The following PCCB variants were observed in gnomAD, a reference collection of about 807,000 sequenced individuals.
The protein encoded by PCCB is propionyl-CoA carboxylase beta chain, mitochondrial.
PCCB carries 43 observed loss-of-function variants against 60.7 expected under a neutral mutation model. The ratio of observed to expected loss-of-function variants is 0.71; its 90% CI spans 0.55 to 0.91. PCCB has a LOEUF of 0.91. Ranked by LOEUF, PCCB falls within the 40% of genes least tolerant of loss-of-function variation. PCCB has a pLI of 0.00. For synonymous variants in PCCB, 276 were observed against 255.9 expected, an observed-to-expected ratio of 1.08 and a Z score of -0.75; for missense variants, 766 against 702.8, an observed-to-expected ratio of 1.09 and a Z score of -1.02.
At chr3:136,259,146 C>G (rs957827580) in intron 3 of PCCB, 2 of 1,463,666 alleles carry the variant, frequency 1.4e-6, no homozygotes, top group Non-Finnish European at 1.8e-6. Context: ...AGCTCTGATT[C>G]TTGTTTTTTA....
intron 10 of PCCB, among the ~76,000 whole-genome samples, chr3:136,323,322 T>C (rs6776841): frequency 0.36 from 54,643 of 152,052 alleles, 10,799 homozygotes; most frequent in African/African-American, 0.51. Context: ...AATTGTTTTA[T>C]CTTCATATTC....
intron 5 of PCCB, among the ~76,000 whole-genome samples, chr3:136,282,485 T>C (rs1322262101): frequency 1.3e-5 from 2 of 152,196 alleles, no homozygotes; most frequent in Non-Finnish European, 2.9e-5. Context: ...TAGTAGTTGC[T>C]CTAAGGGTTA....
chr3:136,290,186 T>C (rs1431655022), intron 6 of PCCB, among the ~76,000 whole-genome samples: 1 of 152,242 alleles, frequency 6.6e-6, no homozygotes, highest in Non-Finnish European at 1.5e-5. Context: ...AGAATTTTGC[T>C]TAACATTTTT....
At chr3:136,326,931 G>A (rs1935334358) in intron 11 of PCCB, 21 bp downstream of exon 11, 2 of 1,491,444 alleles carry the variant, frequency 1.3e-6, no homozygotes, top group East Asian at 4.5e-5. Context: ...GACAGAGTGG[G>A]GGCTAGGAGA....
chr3:136,310,384 A>ATGG (rs921438137), intron 9 of PCCB, among the ~76,000 whole-genome samples: 3 of 151,004 alleles, frequency 2.0e-5, no homozygotes, highest in Admixed American at 6.6e-5. Flanking sequence ...AAAGCCAGGC[A>ATGG]TGGTGGTATG....
At chr3:136,321,563 C>T (rs183316728) in intron 10 of PCCB, among the ~76,000 whole-genome samples, 1 of 152,152 alleles carries the variant, frequency 6.6e-6, no homozygotes, top group African/African-American at 2.4e-5. Flanking sequence ...ATAAAACCAT[C>T]AGATCTCATG....
intron 5 of PCCB, among the ~76,000 whole-genome samples, chr3:136,272,407 C>A (rs910705164): frequency 6.6e-6 from 1 of 151,808 alleles, no homozygotes; most frequent in African/African-American, 2.4e-5. Context: ...CTTTCTCAAT[C>A]TTTTGGAATA....
intron 9 of PCCB, among the ~76,000 whole-genome samples, chr3:136,308,449 T>C (rs561143083): frequency 4.5e-4 from 69 of 152,288 alleles, no homozygotes; most frequent in Admixed American, 1.2e-3. Context: ...CCACCATCTT[T>C]ATAAAGCTGA....
intron 6 of PCCB, among the ~76,000 whole-genome samples, chr3:136,288,813 AT>A (rs1160110621): frequency 2.6e-5 from 4 of 151,156 alleles, no homozygotes; most frequent in Non-Finnish European, 4.4e-5. Flanking sequence ...TATTTTATTT[AT>A]TTTTTTGAGA....
intron 10 of PCCB, among the ~76,000 whole-genome samples, chr3:136,318,270 G>GGA (rs1254029568): frequency 1.3e-5 from 2 of 152,170 alleles, no homozygotes; most frequent in Admixed American, 1.3e-4. Flanking sequence ...CTTGAGCCGG[G>GGA]GAGGAGGAGG....
At chr3:136,295,241 G>A (rs1260973944) in intron 7 of PCCB, among the ~76,000 whole-genome samples, 7 of 152,200 alleles carry the variant, frequency 4.6e-5, no homozygotes, top group African/African-American at 1.7e-4. Flanking sequence ...TTGTACTGTG[G>A]TTAAGGCATT....
At chr3:136,300,541 G>T (rs895981477) in intron 8 of PCCB, among the ~76,000 whole-genome samples, 2 of 152,208 alleles carry the variant, frequency 1.3e-5, no homozygotes, top group African/African-American at 4.8e-5. Flanking sequence ...TGCCCAGAGG[G>T]CCTGCAGTTT....
At chr3:136,277,148 TG>T (rs2108172015) in intron 5 of PCCB, among the ~76,000 whole-genome samples, 1 of 152,278 alleles carries the variant, frequency 6.6e-6, no homozygotes, top group African/African-American at 2.4e-5. Context: ...TGAGGTTCCT[TG>T]GTTACAGAAA....
intron 1 of PCCB, among the ~76,000 whole-genome samples, chr3:136,252,884 A>G (rs900172389): frequency 7.2e-6 from 1 of 138,990 alleles, no homozygotes; most frequent in Non-Finnish European, 1.5e-5. Flanking sequence ...ATGACAGTGT[A>G]TAGGATTGCC....
intron 6 of PCCB, among the ~76,000 whole-genome samples, chr3:136,292,071 A>G (rs1355624523): frequency 6.6e-6 from 1 of 152,138 alleles, no homozygotes; most frequent in Admixed American, 6.6e-5. Flanking sequence ...GTTGGTCTCC[A>G]GTTTTGGGGT....
chr3:136,307,486 A>G (rs547463480), intron 9 of PCCB, among the ~76,000 whole-genome samples: 2 of 152,304 alleles, frequency 1.3e-5, no homozygotes, highest in East Asian at 3.9e-4. Context: ...AAAACAAACT[A>G]GTTAATAAAA....
In PCCB at chr3:136,256,569, C is replaced by T. The variant is rs767388070; in HGVS notation, c.318C>T (p.Ser106=). The T allele has an allele frequency of 1.3e-5, 21 of 1,611,650 alleles. No individual in the cohort carries two copies. The highest frequency in any genetic ancestry group is 1.5e-5 in the Non-Finnish European group (18 of 1,177,926). Residue 106 remains serine, a synonymous_variant, in exon 3 of 15, where the codon AGC becomes AGT. Coordinates refer to ENST00000251654, the MANE Select transcript of PCCB (RefSeq NM_000532.5). ...AADKNKFPGD[S]VVTGRGRING... ...TTTTCTGGTAGTTTCCTGGAGACAG[C>T]GTGGTCACTGGACGAGGCCGAATCA... is the stretch of plus-strand genomic sequence containing the variant.
intron 5 of PCCB, among the ~76,000 whole-genome samples, chr3:136,279,824 T>C (rs1206175529): frequency 1.3e-5 from 2 of 152,074 alleles, no homozygotes; most frequent in African/African-American, 2.4e-5. Context: ...CGCACCACCA[T>C]GCCTGGCTAA....
rs563303856 is a variant in PCCB at position 136,265,369 on chromosome 3, C to T, written c.543+3304C>T. On this transcript the variant is annotated intron_variant, in intron 5 of 14. Transcript: ENST00000251654. ...TTGCCTGTTTGCAGTCAGTTCCCAC[C>T]TAACCACAGTCAATTCCTCACCCAA... Among the ~76,000 whole-genome samples, 3 of 152,334 alleles carry T rather than the reference C, an allele frequency of 2.0e-5. No individual in the cohort carries two copies. In the East Asian group the frequency reaches 5.8e-4, roughly 29 times the overall value.
Sources: allele counts gnomAD v4.1 joint callset (sites outside exome capture counted in the v4.1 genomes callset), GRCh38; gene constraint gnomAD v4.1.1; transcripts MANE v1.5; gene names NCBI Gene and HGNC (gene_info 2026-07-23, HGNC 2026-07-21).